INPP5B: variants seen among roughly 807,000 people sequenced by gnomAD.
The protein encoded by INPP5B is type II inositol 1,4,5-trisphosphate 5-phosphatase.
Under a neutral mutation model 118.5 loss-of-function variants are expected in INPP5B, and 90 were observed. The ratio of observed to expected loss-of-function variants is 0.76; its 90% confidence interval spans 0.64 to 0.90. INPP5B has a LOEUF of 0.90. Among genes scored for constraint, INPP5B ranks in the 40% least tolerant of loss-of-function variants. INPP5B has a pLI of 0.00. For synonymous variants in INPP5B, 385 were observed against 418.9 expected (o/e 0.92, Z 0.99); for missense variants, 984 against 1,125.6 (o/e 0.87, Z 1.80).
rs147565054 is a variant in INPP5B at position 37,866,169 on chromosome 1, G to A, written c.2387-281C>T. On this transcript the variant is annotated intron_variant, in intron 21 of 23. Transcript: ENST00000373024. ...GTTCAAAAATTAGCCAAGTGTGGTA[G>A]TATGCACCTGTGGTCCCAGCTACTC... 4.4e-3 allele frequency among the ~76,000 whole-genome samples: 675 copies of A among 152,294 alleles called. 5 individuals are homozygous for A. The highest frequency in any genetic ancestry group is 0.015 in the African/African-American group (641 of 41,562).
At chr1:37,894,443 T>C (rs1643942957) in intron 7 of INPP5B, among the ~76,000 whole-genome samples, 2 of 152,144 alleles carry the variant, frequency 1.3e-5, no homozygotes, top group African/African-American at 2.4e-5. Flanking sequence ...GATTTATGCA[T>C]CACTGTATCC....
chr1:37,884,674 G>A (rs778604476), intron 13 of INPP5B, among the ~76,000 whole-genome samples: 2 of 152,048 alleles, frequency 1.3e-5, no homozygotes, highest in South Asian at 2.1e-4. Context: ...ACAAATGGCC[G>A]GGCGTGGTGG....
At chr1:37,906,657 A>G (rs1054005918) in intron 7 of INPP5B, among the ~76,000 whole-genome samples, 4 of 152,070 alleles carry the variant, frequency 2.6e-5, no homozygotes, top group African/African-American at 9.7e-5. Context: ...GCAGTTCAAA[A>G]CCAGCCTGAC....
chr1:37,904,102 A>G (rs577747908), intron 7 of INPP5B, among the ~76,000 whole-genome samples: 58 of 151,922 alleles, frequency 3.8e-4, no homozygotes, highest in African/African-American at 1.3e-3. Flanking sequence ...CGAGGCAGAC[A>G]GATCACGAGG....
At chr1:37,873,424 C>T in intron 18 of INPP5B, 1 of 475,272 alleles carries the variant, frequency 2.1e-6, no homozygotes, top group South Asian at 2.2e-5. Flanking sequence ...CTAAGGAGCA[C>T]AGCTCAAGCT....
At chr1:37,876,549 CT>C (rs1330556272) in intron 16 of INPP5B, among the ~76,000 whole-genome samples, 1 of 53,904 alleles carries the variant, frequency 1.9e-5, no homozygotes, top group Non-Finnish European at 3.4e-5. Flanking sequence ...GATGCTGTCT[CT>C]TTAAAAAAAA....
At chr1:37,877,847 T>C (rs1441820236) in intron 16 of INPP5B, among the ~76,000 whole-genome samples, 1 of 152,082 alleles carries the variant, frequency 6.6e-6, no homozygotes, top group Non-Finnish European at 1.5e-5. Context: ...AAAAAAGATG[T>C]CCTCAGAGCA....
intron 7 of INPP5B, among the ~76,000 whole-genome samples, chr1:37,915,223 G>A (rs1644825670): frequency 6.6e-6 from 1 of 152,140 alleles, no homozygotes; most frequent in African/African-American, 2.4e-5. Context: ...GCCCTTATCT[G>A]AAGCCTCTTG....
At chr1:37,935,413 T>A (rs1263272989) in intron 6 of INPP5B, among the ~76,000 whole-genome samples, 1 of 151,028 alleles carries the variant, frequency 6.6e-6, no homozygotes, top group Non-Finnish European at 1.5e-5. Flanking sequence ...AGGCTGGTCT[T>A]GAACTCCTGA....
chr1:37,941,302 A>C (rs1414380950), intron 5 of INPP5B, among the ~76,000 whole-genome samples: 1 of 152,154 alleles, frequency 6.6e-6, no homozygotes, highest in Admixed American at 6.6e-5. Flanking sequence ...TGAGCACTCA[A>C]ACCATGTGCT....
chr1:37,946,344 G>A lies in INPP5B; in HGVS notation c.-26-10C>T. 6.3e-7 allele frequency: 1 copy of A among 1,598,814 alleles called. No individual in the cohort carries two copies. Among genetic ancestry groups the A allele is most frequent in the Non-Finnish European group, 8.5e-7 (1 of 1,171,796 alleles). The stretch of plus-strand genomic sequence containing the variant: ...GCTGAGCGCACACACCCTGTGGGAG[G>A]GGAGATAGGAGCCCCGCTTTGGTCA... On this transcript the variant is annotated splice_polypyrimidine_tract_variant and intron_variant, in intron 1 of 23. Coordinates refer to ENST00000373024, the MANE Select transcript of INPP5B (RefSeq NM_005540.3).
intron 7 of INPP5B, among the ~76,000 whole-genome samples, chr1:37,900,262 T>G (rs571610879): frequency 5.0e-4 from 68 of 135,646 alleles, no homozygotes; most frequent in African/African-American, 1.7e-3. Flanking sequence ...TTGTTTTCGG[T>G]TTTTTTTTTT....
intron 7 of INPP5B, among the ~76,000 whole-genome samples, chr1:37,920,982 T>C (rs1645034901): frequency 1.3e-5 from 2 of 152,000 alleles, no homozygotes; most frequent in African/African-American, 2.4e-5. Flanking sequence ...GGCGGGCGCC[T>C]GTAGTCCCAG....
intron 12 of INPP5B, among the ~76,000 whole-genome samples, chr1:37,886,154 G>T (rs990183492): frequency 7.3e-5 from 11 of 151,714 alleles, no homozygotes; most frequent in Admixed American, 1.3e-4. Context: ...TCCAGCCTGG[G>T]AGACAGAGTG....
At chr1:37,883,993 A>G (rs1203392725) in intron 13 of INPP5B, 1 of 322,368 alleles carries the variant, frequency 3.1e-6, no homozygotes, top group Non-Finnish European at 4.5e-6. Flanking sequence ...TGAGCACAAG[A>G]TGCTCTCAGA....
chr1:37,935,424 C>G (rs1196809963), intron 6 of INPP5B, among the ~76,000 whole-genome samples: 1 of 151,264 alleles, frequency 6.6e-6, no homozygotes, highest in African/African-American at 2.4e-5. Flanking sequence ...GAACTCCTGA[C>G]CTCGTGATCC....
chr1:37,927,193 G>C (rs973787819), intron 7 of INPP5B, among the ~76,000 whole-genome samples: 1 of 152,066 alleles, frequency 6.6e-6, no homozygotes, highest in African/African-American at 2.4e-5. Context: ...TACTAGAGAG[G>C]CTAAGGCAGG....
intron 7 of INPP5B, among the ~76,000 whole-genome samples, chr1:37,903,725 T>G (rs1644409646): frequency 3.7e-5 from 1 of 27,090 alleles, no homozygotes; most frequent in African/African-American, 5.5e-5. Context: ...AGACTCCGTC[T>G]CAAAAAAAAA....
chr1:37,900,621 T>C (rs1183998555), intron 7 of INPP5B, among the ~76,000 whole-genome samples: 3 of 149,866 alleles, frequency 2.0e-5, no homozygotes, highest in Non-Finnish European at 4.5e-5. Flanking sequence ...AATTTTTCTT[T>C]TTTTTTTTCT....
Sources: allele counts gnomAD v4.1 joint callset (sites outside exome capture counted in the v4.1 genomes callset), GRCh38; gene constraint gnomAD v4.1.1; transcripts MANE v1.5; gene names NCBI Gene and HGNC (gene_info 2026-07-23, HGNC 2026-07-21).